DCLK2: variants seen among roughly 807,000 people sequenced by gnomAD.
DCLK2 encodes the protein doublecortin like kinase 2, also known as serine/threonine-protein kinase DCLK2.
DCLK2 carries 31 observed loss-of-function variants against 78.4 expected under a neutral mutation model. That is an observed-to-expected ratio of 0.40 (90% CI 0.30 to 0.53). The LOEUF is 0.53. Among genes scored for constraint, DCLK2 ranks in the 20% least tolerant of loss-of-function variants. The pLI, the probability that DCLK2 is intolerant of heterozygous loss-of-function variation, is 0.61. For synonymous variants in DCLK2, 407 were observed against 374.9 expected (o/e 1.09, Z -0.99); for missense variants, 872 against 973.7 (o/e 0.90, Z 1.39).
chr4:150,229,386 A>G (rs1460155472), intron 8 of DCLK2, among the ~76,000 whole-genome samples: 1 of 152,142 alleles, frequency 6.6e-6, no homozygotes, highest in Non-Finnish European at 1.5e-5. Context: ...TGGCAAGAGG[A>G]ACAGAGAGAA....
chr4:150,175,842 G>A (rs1737049238), intron 2 of DCLK2, among the ~76,000 whole-genome samples: 1 of 152,032 alleles, frequency 6.6e-6, no homozygotes, highest in South Asian at 2.1e-4. Flanking sequence ...TCTTGGCATT[G>A]GAGAAGCCCT....
chr4:150,094,442 G>A (rs1427309268), intron 1 of DCLK2, among the ~76,000 whole-genome samples: 3 of 152,156 alleles, frequency 2.0e-5, no homozygotes, highest in East Asian at 1.9e-4. Flanking sequence ...TACAAAGTGC[G>A]CTTGGACTCT....
At chr4:150,079,730 A>G (rs927519386) in intron 1 of DCLK2, among the ~76,000 whole-genome samples, 4 of 152,194 alleles carry the variant, frequency 2.6e-5, no homozygotes, top group African/African-American at 7.2e-5. Context: ...TGTTGAACTT[A>G]TTTGTATTGA....
At chr4:150,191,173 A>G (rs1738421961) in intron 2 of DCLK2, among the ~76,000 whole-genome samples, 1 of 152,084 alleles carries the variant, frequency 6.6e-6, no homozygotes, top group Non-Finnish European at 1.5e-5. Flanking sequence ...CAGGCAACCC[A>G]AAGTCATCTT....
chr4:150,178,363 G>A (rs1348022732), intron 2 of DCLK2, among the ~76,000 whole-genome samples: 1 of 152,138 alleles, frequency 6.6e-6, no homozygotes, highest in East Asian at 1.9e-4. Context: ...TTTAATTGTG[G>A]TGTATGCCTC....
intron 2 of DCLK2, among the ~76,000 whole-genome samples, chr4:150,128,068 T>C (rs1733041936): frequency 6.6e-6 from 1 of 152,260 alleles, no homozygotes; most frequent in East Asian, 1.9e-4. Flanking sequence ...GTTTTGCCCA[T>C]GAGGAGACAT....
At chr4:150,125,023 T>A (rs148378939) in intron 2 of DCLK2, among the ~76,000 whole-genome samples, 3 of 152,204 alleles carry the variant, frequency 2.0e-5, no homozygotes, top group African/African-American at 7.2e-5. Flanking sequence ...TTCACACAGG[T>A]ACAGTGACAA....
At position 150,120,029 on chromosome 4, in the gene DCLK2, C is replaced by T. The variant is rs1386472867; in HGVS notation, c.756+17217C>T. 5.3e-5 allele frequency among the ~76,000 whole-genome samples: 8 copies of T among 152,200 alleles called. No individual in the cohort carries two copies. The East Asian group carries it at 1.5e-3, about 29-fold the overall frequency. On this transcript the variant is annotated intron_variant, in intron 2 of 15. Transcript: ENST00000296550. ...TTGTTTTTGTATCTTATTATGAATG[C>T]CTGCTGATAGCAATTTGTACCAGTA...
rs374645965 is a variant in DCLK2 at position 150,256,154 on chromosome 4, G to A, written c.2208G>A (p.Pro736=). ...TCCCTGTGCCTGGGGAAGCAGTCCCGGCCCCCACCCCTCCGGAATCTCCCA... is the reference window on the plus strand; with the variant it reads ...TCCCTGTGCCTGGGGAAGCAGTCCCAGCCCCCACCCCTCCGGAATCTCCCA... The part of the protein sequence containing the change: ...EEIPVPGEAV[P]APTPPESPTP... The change falls in exon 16 of 16, where the codon CCG becomes CCA. Residue 736 remains proline (P), a synonymous_variant. Coordinates refer to ENST00000296550, the MANE Select transcript of DCLK2 (RefSeq NM_001040260.4). The A allele has an allele frequency of 2.3e-5, 36 of 1,591,422 alleles. No homozygotes were observed. The highest frequency in any genetic ancestry group is 1.6e-4 in the South Asian group (14 of 88,470).
intron 2 of DCLK2, among the ~76,000 whole-genome samples, chr4:150,175,170 ATATT>A (rs1363538497): frequency 7.5e-6 from 1 of 132,976 alleles, no homozygotes; most frequent in African/African-American, 2.9e-5. Flanking sequence ...TAATTTATAT[ATATT>A]TATATATATT....
chr4:150,083,721 A>G (rs1729457091), intron 1 of DCLK2, among the ~76,000 whole-genome samples: 1 of 152,188 alleles, frequency 6.6e-6, no homozygotes, highest in Admixed American at 6.5e-5. Context: ...GATGCACACT[A>G]AAGTCATGCA....
At chr4:150,107,291 A>G (rs1277345161) in intron 2 of DCLK2, among the ~76,000 whole-genome samples, 2 of 151,700 alleles carry the variant, frequency 1.3e-5, no homozygotes, top group East Asian at 1.9e-4. Flanking sequence ...AGAAGTCCTG[A>G]TAGTCTCTCT....
intron 5 of DCLK2, among the ~76,000 whole-genome samples, chr4:150,215,522 G>T (rs1476609316): frequency 2.0e-5 from 3 of 152,146 alleles, no homozygotes; most frequent in East Asian, 3.8e-4. Flanking sequence ...TATTATAAAG[G>T]ATATTATGTT....
At position 150,247,760 on chromosome 4, in the gene DCLK2, A is replaced by G. The variant is rs374968460; in HGVS notation, c.1875+61A>G. On this transcript the variant is annotated intron_variant, in intron 13 of 15. Coordinates refer to ENST00000296550, the MANE Select transcript of DCLK2 (RefSeq NM_001040260.4). ...GTTGTGGGGTCCTCACCCATTGCACAGGGCTGTAGCTGCGCTAGGTATTGC... is the reference window on the plus strand; with the variant it reads ...GTTGTGGGGTCCTCACCCATTGCACGGGGCTGTAGCTGCGCTAGGTATTGC... 44 of 1,370,148 alleles carry G rather than the reference A, an allele frequency of 3.2e-5. No individual in the cohort carries two copies. The East Asian group carries it at 9.7e-4, about 30-fold the overall frequency. 84.9% of individuals were successfully genotyped at this position (1,370,148 alleles called of 1,614,324 possible).
intron 2 of DCLK2, among the ~76,000 whole-genome samples, chr4:150,171,088 G>A (rs1404947537): frequency 6.6e-6 from 1 of 152,182 alleles, no homozygotes; most frequent in Non-Finnish European, 1.5e-5. Flanking sequence ...TGATTTCAAT[G>A]GTAACTTCTA....
intron 2 of DCLK2, among the ~76,000 whole-genome samples, chr4:150,130,579 T>G (rs1331828676): frequency 1.3e-5 from 2 of 151,654 alleles, no homozygotes; most frequent in African/African-American, 2.4e-5. Flanking sequence ...TGGGAGAAAT[T>G]TGGAGATGGA....
At chr4:150,226,231 T>G (rs540620658) in intron 8 of DCLK2, among the ~76,000 whole-genome samples, 1 of 151,874 alleles carries the variant, frequency 6.6e-6, no homozygotes, top group Admixed American at 6.6e-5. Context: ...TTTACTTTTT[T>G]TTTTTTTTTT....
At chr4:150,082,219 G>C (rs1053723502) in intron 1 of DCLK2, among the ~76,000 whole-genome samples, 2 of 151,970 alleles carry the variant, frequency 1.3e-5, no homozygotes, top group African/African-American at 2.4e-5. Flanking sequence ...ATTTCGTTTT[G>C]GTTGATTATT....
intron 15 of DCLK2, among the ~76,000 whole-genome samples, chr4:150,252,046 G>C (rs886436470): frequency 6.6e-6 from 1 of 152,160 alleles, no homozygotes; most frequent in Non-Finnish European, 1.5e-5. Flanking sequence ...AAGGCCTTTT[G>C]AGTTGTGGTT....
Sources: gnomAD v4.1 joint callset for allele counts (sites outside exome capture counted in the v4.1 genomes callset) on GRCh38, gnomAD v4.1.1 for gene constraint, MANE v1.5 for transcripts, NCBI Gene and HGNC (gene_info 2026-07-23, HGNC 2026-07-21) for gene names.